SLC22A23: variants seen among roughly 807,000 people sequenced by gnomAD.
SLC22A23 encodes solute carrier family 22 member 23.
In SLC22A23, 26 loss-of-function variants were observed where a neutral mutation model predicts 61.0. The ratio of observed to expected loss-of-function variants is 0.43; its 90% CI spans 0.31 to 0.59. The LOEUF (loss-of-function observed/expected upper bound fraction) is 0.59. SLC22A23 is among the 20% of genes least tolerant of loss of function. The pLI, the probability that SLC22A23 is intolerant of heterozygous loss-of-function variation, is 0.11. For synonymous variants in SLC22A23, 430 were observed against 413.9 expected, an observed-to-expected ratio of 1.04 and a Z score of -0.47; for missense variants, 796 against 934.7, an observed-to-expected ratio of 0.85 and a Z score of 1.94.
intron 3 of SLC22A23, among the ~76,000 whole-genome samples, chr6:3,409,409 T>C (rs1238658219): frequency 6.6e-6 from 1 of 152,258 alleles, no homozygotes; most frequent in Non-Finnish European, 1.5e-5. Flanking sequence ...GTTGTCACAC[T>C]GGAAATTGCT....
intron 3 of SLC22A23, among the ~76,000 whole-genome samples, chr6:3,340,426 T>C (rs1309899347): frequency 6.6e-6 from 1 of 152,186 alleles, no homozygotes; most frequent in Non-Finnish European, 1.5e-5. Context: ...TGGGGACCCA[T>C]ACGTAACCGC....
Position 3,410,696 on chromosome 6 carries a change from C to A in SLC22A23, c.759-354G>T, listed in dbSNP as rs1469059104. On this transcript the variant is annotated intron_variant, in intron 2 of 9. Transcript: ENST00000406686. This position sits in a 1 kb window ranked among gnomAD's most constrained non-coding sequence, Gnocchi z 5.0. Reference sequence around the variant, plus strand: ...TTCTCCAAACAGGAACCTTGATACACCCAGCATAAAAAGTCTTGAGAAATC... The same window carrying A: ...TTCTCCAAACAGGAACCTTGATACAACCAGCATAAAAAGTCTTGAGAAATC... 1.3e-5 allele frequency among the ~76,000 whole-genome samples: 2 copies of A among 152,230 alleles called. No homozygotes were observed. Among genetic ancestry groups the A allele is most frequent in the Middle Eastern group, 3.4e-3 (1 of 294 alleles).
At chr6:3,417,903 C>A (rs1366319032) in intron 1 of SLC22A23, among the ~76,000 whole-genome samples, 1 of 152,192 alleles carries the variant, frequency 6.6e-6, no homozygotes, top group African/African-American at 2.4e-5. Context: ...GGAGGCAAGC[C>A]TGGAAAACGA....
chr6:3,305,581 T>A (rs1428502966), intron 4 of SLC22A23, among the ~76,000 whole-genome samples: 1 of 152,228 alleles, frequency 6.6e-6, no homozygotes, highest in Non-Finnish European at 1.5e-5. Context: ...TTATGGGAAC[T>A]TAATGAAATC....
Position 3,333,072 on chromosome 6 carries a change from G to A in SLC22A23, c.914-9070C>T, listed in dbSNP as rs757955941. Reference sequence around the variant, plus strand: ...CAGGAGGTCACCTACTGGGAATGACGCTACCACTGACCCATGGAGCAAAGC... The same window carrying A: ...CAGGAGGTCACCTACTGGGAATGACACTACCACTGACCCATGGAGCAAAGC... On this transcript the variant is annotated intron_variant, in intron 3 of 9. Coordinates refer to ENST00000406686, the MANE Select transcript of SLC22A23 (RefSeq NM_015482.2). This position sits in a 1 kb window ranked among gnomAD's most constrained non-coding sequence, Gnocchi z 4.1. 2.0e-5 allele frequency among the ~76,000 whole-genome samples: 3 copies of A among 152,254 alleles called. No homozygotes were observed. In the South Asian group the frequency reaches 6.2e-4, roughly 32 times the overall value.
chr6:3,355,790 T>C (rs1300939481), intron 3 of SLC22A23, among the ~76,000 whole-genome samples: 1 of 151,354 alleles, frequency 6.6e-6, no homozygotes, highest in African/African-American at 2.4e-5. Flanking sequence ...CACTCAGCCC[T>C]GCACAAACCC....
intron 3 of SLC22A23, among the ~76,000 whole-genome samples, chr6:3,396,705 G>T (rs1026495641): frequency 2.4e-4 from 36 of 152,236 alleles, no homozygotes; most frequent in African/African-American, 8.4e-4. Context: ...CAGCAGGCTG[G>T]CAGGCCATCG....
intron 3 of SLC22A23, among the ~76,000 whole-genome samples, chr6:3,352,876 G>C (rs1764858258): frequency 6.6e-6 from 1 of 152,150 alleles, no homozygotes; most frequent in Admixed American, 6.5e-5. Flanking sequence ...CGCGTGCCCT[G>C]CAAACACCCG....
At position 3,410,095 on chromosome 6, in the gene SLC22A23, C is replaced by A. The variant is rs1045271973; in HGVS notation, c.913+93G>T. On this transcript the variant is annotated intron_variant, in intron 3 of 9. Transcript: ENST00000406686. The surrounding 1 kb of genome is among the most constrained non-coding windows in gnomAD (Gnocchi z 5.0). ...GTTTCCACAAAACTGCCAGCCCACA[C>A]GAGCAGCATGCACAGTATCTTTCCC... is the stretch of plus-strand genomic sequence containing the variant. The A allele has an allele frequency of 4.9e-6, 7 of 1,422,106 alleles. No homozygotes were observed. In the South Asian group the frequency reaches 8.8e-5, roughly 18 times the overall value. 88.1% of individuals were successfully genotyped at this position (1,422,106 alleles called of 1,614,324 possible).
chr6:3,358,688 A>C (rs1335669421), intron 3 of SLC22A23, among the ~76,000 whole-genome samples: 1 of 152,142 alleles, frequency 6.6e-6, no homozygotes, highest in Non-Finnish European at 1.5e-5. Context: ...TGTGCTGTAC[A>C]CTGAAAAAAC....
intron 4 of SLC22A23, chr6:3,312,860 C>T (rs1424510819): frequency 1.3e-5 from 2 of 152,380 alleles, no homozygotes; most frequent in African/African-American, 4.8e-5. Context: ...CACACATGCA[C>T]ACACAGATGC....
intron 3 of SLC22A23, among the ~76,000 whole-genome samples, chr6:3,325,768 T>A (rs1467181599): frequency 6.6e-6 from 1 of 152,222 alleles, no homozygotes; most frequent in African/African-American, 2.4e-5. Context: ...AAACCAGAAA[T>A]CTATATTAGC....
In SLC22A23 at chr6:3,454,372, C is replaced by A. The variant is rs1160468829; in HGVS notation, c.654+1534G>T. ...CTGCCAAGGTAATGGCACTCTATCC[C>A]ATCTCATCACTTTCAAGTTCACCTC... On this transcript the variant is annotated intron_variant, in intron 1 of 9. Transcript: ENST00000406686. This position sits in a 1 kb window ranked among gnomAD's most constrained non-coding sequence, Gnocchi z 4.3. Among the ~76,000 whole-genome samples the A allele has an allele frequency of 6.6e-6, 1 of 152,094 alleles. No individual in the cohort carries two copies. Among genetic ancestry groups the A allele is most frequent in the Non-Finnish European group, 1.5e-5 (1 of 68,034 alleles).
intron 4 of SLC22A23, among the ~76,000 whole-genome samples, chr6:3,320,315 G>C (rs1012403861): frequency 6.6e-6 from 1 of 151,952 alleles, no homozygotes; most frequent in Non-Finnish European, 1.5e-5. Context: ...CTACCATCTC[G>C]ACCAGAAGAT....
In SLC22A23 at chr6:3,368,332, T is replaced by TC. The variant is rs377474287; in HGVS notation, c.913+41855dup. Reference sequence around the variant, plus strand: ...GAGCTGCTCCTTGGCCATGTAATTTTCAACCTGGGATCCATGAATGTGTTC... The same window carrying TC: ...GAGCTGCTCCTTGGCCATGTAATTTTCCAACCTGGGATCCATGAATGTGTTC... On this transcript the variant is annotated intron_variant, in intron 3 of 9. Coordinates refer to ENST00000406686, the MANE Select transcript of SLC22A23 (RefSeq NM_015482.2). 7.0e-4 allele frequency among the ~76,000 whole-genome samples: 107 copies of TC among 152,318 alleles called. 3 individuals are homozygous for TC. The East Asian group carries it at 0.02, about 29-fold the overall frequency.
chr6:3,418,489 A>G (rs926054597), intron 1 of SLC22A23, among the ~76,000 whole-genome samples: 3 of 152,216 alleles, frequency 2.0e-5, no homozygotes, highest in African/African-American at 7.2e-5. Context: ...AGCTAATAAG[A>G]CATTCAGTGA....
intron 3 of SLC22A23, among the ~76,000 whole-genome samples, chr6:3,340,717 G>C (rs1764105056): frequency 6.6e-6 from 1 of 152,134 alleles, no homozygotes; most frequent in Non-Finnish European, 1.5e-5. Context: ...AAACAGATGG[G>C]GCTACTGGGA....
intron 3 of SLC22A23, among the ~76,000 whole-genome samples, chr6:3,354,823 T>C (rs764275289): frequency 6.6e-6 from 1 of 152,210 alleles, no homozygotes; most frequent in Non-Finnish European, 1.5e-5. Context: ...AATCTCATAA[T>C]TCAACATCAT....
intron 4 of SLC22A23, among the ~76,000 whole-genome samples, chr6:3,307,120 G>A (rs549442700): frequency 2.0e-5 from 3 of 152,326 alleles, no homozygotes; most frequent in South Asian, 2.1e-4. Context: ...GACGGCATAC[G>A]GCAGCGCTAC....
Sources: allele counts gnomAD v4.1 joint callset (sites outside exome capture counted in the v4.1 genomes callset), GRCh38; gene constraint gnomAD v4.1.1; non-coding constraint Gnocchi (gnomAD v3.1); transcripts MANE v1.5; gene names NCBI Gene and HGNC (gene_info 2026-07-23, HGNC 2026-07-21).